The following RHOA variants were observed in gnomAD, a reference collection of about 807,000 sequenced individuals.
The protein encoded by RHOA is transforming protein RhoA.
A neutral mutation model predicts 17.5 loss-of-function variants in RHOA; 3 were observed. That is an observed-to-expected ratio of 0.17 (90% CI 0.08 to 0.44). RHOA has a LOEUF of 0.44. Among genes scored for constraint, RHOA ranks in the 20% least tolerant of loss-of-function variants. The pLI, the probability that RHOA is intolerant of heterozygous loss-of-function variation, is 0.99. For synonymous variants in RHOA, 98 were observed against 88.4 expected, an observed-to-expected ratio of 1.11 and a Z score of -0.61; for missense variants, 56 against 242.3, an observed-to-expected ratio of 0.23 and a Z score of 5.10.
intron 1 of RHOA, among the ~76,000 whole-genome samples, chr3:49,376,646 A>C (rs1423479769): frequency 1.4e-5 from 2 of 140,822 alleles, no homozygotes; most frequent in South Asian, 2.2e-4. Context: ...CCATCTCACA[A>C]AAAAAAAAAA....
chr3:49,364,512 T>G (rs1020310550), intron 3 of RHOA, among the ~76,000 whole-genome samples: 4 of 145,538 alleles, frequency 2.7e-5, no homozygotes, highest in Admixed American at 2.7e-4. Flanking sequence ...AACAAAAAAA[T>G]TAACTGGGCA....
intron 2 of RHOA, 141 bp downstream of exon 2, chr3:49,375,293 T>C (rs2048208508): frequency 1.3e-6 from 1 of 749,978 alleles, no homozygotes; most frequent in Non-Finnish European, 2.1e-6. Flanking sequence ...TGGACTAAGA[T>C]GGCAGGATGA....
chr3:49,375,310 A>C, intron 2 of RHOA, 124 bp downstream of exon 2: 1 of 889,302 alleles, frequency 1.1e-6, no homozygotes, highest in South Asian at 2.2e-5. Context: ...ATGAGAATGG[A>C]TTCTTCTTTC....
intron 2 of RHOA, among the ~76,000 whole-genome samples, chr3:49,369,801 C>T (rs1042758632): frequency 2.0e-5 from 3 of 151,792 alleles, no homozygotes; most frequent in African/African-American, 7.3e-5. Flanking sequence ...GGTGCGGTGG[C>T]TCACGCCTGT....
At chr3:49,409,834 G>A (rs896153675) in intron 1 of RHOA, among the ~76,000 whole-genome samples, 2 of 152,098 alleles carry the variant, frequency 1.3e-5, no homozygotes, top group African/African-American at 2.4e-5. Flanking sequence ...CTTGATACAC[G>A]CAGTACCCCA....
At chr3:49,387,874 CAT>C (rs1379829945) in intron 1 of RHOA, among the ~76,000 whole-genome samples, 2 of 151,960 alleles carry the variant, frequency 1.3e-5, no homozygotes, top group African/African-American at 2.4e-5. Flanking sequence ...AACAATGTCA[CAT>C]ATGTTTGAGT....
At chr3:49,361,767 G>A (rs2047975817) in intron 4 of RHOA, among the ~76,000 whole-genome samples, 1 of 152,186 alleles carries the variant, frequency 6.6e-6, no homozygotes, top group African/African-American at 2.4e-5. Flanking sequence ...TGTAATCCCA[G>A]CAACTTGGGA....
intron 1 of RHOA, among the ~76,000 whole-genome samples, chr3:49,393,454 ACAC>A (rs1374081620): frequency 6.6e-6 from 1 of 151,670 alleles, no homozygotes; most frequent in African/African-American, 2.4e-5. Flanking sequence ...CCACAGGCAC[ACAC>A]CACCACGTTT....
At chr3:49,391,916 C>T (rs1478511222) in intron 1 of RHOA, among the ~76,000 whole-genome samples, 2 of 149,124 alleles carry the variant, frequency 1.3e-5, no homozygotes, top group Non-Finnish European at 3.0e-5. Context: ...ACAATCCTGC[C>T]TCCCAGGTTC....
At chr3:49,411,289 G>T (rs757203947) in intron 1 of RHOA, among the ~76,000 whole-genome samples, 5 of 152,068 alleles carry the variant, frequency 3.3e-5, no homozygotes, top group Non-Finnish European at 7.4e-5. Context: ...TACTTACACA[G>T]TCTCCAACAA....
intron 1 of RHOA, among the ~76,000 whole-genome samples, chr3:49,377,982 C>T (rs60032354): frequency 6.6e-6 from 1 of 151,642 alleles, no homozygotes; most frequent in East Asian, 1.9e-4. Context: ...AACCCCGTTT[C>T]TACAAAAAAT....
Position 49,359,842 on chromosome 3 carries a change from G to A in RHOA, c.*367C>T. On this transcript the variant is annotated 3_prime_UTR_variant, in exon 5 of 5. Coordinates refer to ENST00000418115, the MANE Select transcript of RHOA (RefSeq NM_001664.4). The stretch of plus-strand genomic sequence containing the variant: ...TGGTGACTCACCAGAGTACCTTGCA[G>A]CTGACAGATAATAGGCAGGACATGT... 3.9e-6 allele frequency: 1 copy of A among 256,258 alleles called. No homozygotes were observed. The highest frequency in any genetic ancestry group is 7.6e-6 in the Non-Finnish European group (1 of 131,836). 15.9% of individuals were successfully genotyped at this position (256,258 alleles called of 1,614,324 possible). A position where few individuals can be genotyped will look rare whatever the true frequency, so the allele number is the denominator to read the frequency against.
chr3:49,395,412 A>G (rs2048597933), intron 1 of RHOA, among the ~76,000 whole-genome samples: 1 of 152,044 alleles, frequency 6.6e-6, no homozygotes, highest in Admixed American at 6.6e-5. Flanking sequence ...TCTGTAATTA[A>G]TAGAGAAACA....
chr3:49,394,292 C>T (rs1018809788), intron 1 of RHOA, among the ~76,000 whole-genome samples: 1 of 152,190 alleles, frequency 6.6e-6, no homozygotes, highest in Non-Finnish European at 1.5e-5. Context: ...GCGTGAGCCA[C>T]TGCATCCAGC....
chr3:49,373,564 C>T (rs1245529813), intron 2 of RHOA, among the ~76,000 whole-genome samples: 1 of 152,182 alleles, frequency 6.6e-6, no homozygotes. Flanking sequence ...CGCCTGTAAG[C>T]CCAGCCACTT....
At chr3:49,396,311 C>T (rs943120678) in intron 1 of RHOA, among the ~76,000 whole-genome samples, 2 of 152,122 alleles carry the variant, frequency 1.3e-5, no homozygotes, top group Non-Finnish European at 2.9e-5. Context: ...TGGTGGCTCA[C>T]GCCTGTAATC....
At chr3:49,378,050 G>A (rs1042407705) in intron 1 of RHOA, among the ~76,000 whole-genome samples, 8 of 151,026 alleles carry the variant, frequency 5.3e-5, no homozygotes, top group Non-Finnish European at 4.4e-5. Context: ...TCGGGAGACT[G>A]AGGCAGGAGA....
intron 1 of RHOA, among the ~76,000 whole-genome samples, chr3:49,385,245 G>C (rs2048377896): frequency 6.9e-6 from 1 of 145,318 alleles, no homozygotes; most frequent in South Asian, 2.2e-4. Context: ...TTCTGAGACA[G>C]AGTCTTACTC....
At chr3:49,400,816 C>A (rs1204704370) in intron 1 of RHOA, among the ~76,000 whole-genome samples, 2 of 151,346 alleles carry the variant, frequency 1.3e-5, no homozygotes, top group African/African-American at 4.9e-5. Flanking sequence ...GAGGCCGAGG[C>A]GGGCGGATCA....
Sources: allele counts gnomAD v4.1 joint callset (sites outside exome capture counted in the v4.1 genomes callset), GRCh38; gene constraint gnomAD v4.1.1; transcripts MANE v1.5; gene names NCBI Gene and HGNC (gene_info 2026-07-23, HGNC 2026-07-21).